CHERP: variants seen among roughly 807,000 people sequenced by gnomAD.
CHERP encodes the protein calcium homeostasis endoplasmic reticulum protein.
CHERP carries 8 observed loss-of-function variants against 113.8 expected under a neutral mutation model. The ratio of observed to expected loss-of-function variants is 0.07; its 90% CI spans 0.04 to 0.13. The LOEUF is 0.13. Among genes scored for constraint, CHERP ranks in the 10% least tolerant of loss-of-function variants. The pLI, the probability that CHERP is intolerant of heterozygous loss-of-function variation, is 1.00. For missense variants in CHERP, 884 were observed against 1,298.2 expected (o/e 0.68, Z 4.90); for synonymous variants, 559 against 524.5 (o/e 1.07, Z -0.90).
In CHERP at chr19:16,520,844, C is replaced by A. The variant is rs2085607022; in HGVS notation, c.2183G>T (p.Gly728Val). Residue 728 changes from glycine (G) to valine (V), a missense_variant, in exon 13 of 17, where the codon GGC becomes GTC. By Grantham distance (109) the Gly-to-Val change is moderately radical (BLOSUM62 -3). Coordinates refer to ENST00000546361, the MANE Select transcript of CHERP (RefSeq NM_006387.6). The surrounding 1 kb of genome is among the most constrained non-coding windows in gnomAD (Gnocchi z 4.0). ...RAKMRARRRKGQEKRNSGPSR... is the reference protein window; with the variant it reads ...RAKMRARRRKVQEKRNSGPSR... The stretch of plus-strand genomic sequence containing the variant: ...CTTTTACCTGTTCCTCTTCTCCTGG[C>A]CTTTCCTCCGCCGGGCCCGCATTTT... The A allele has an allele frequency of 4.3e-6, 7 of 1,613,908 alleles. 1 individual carries two copies. Among genetic ancestry groups the A allele is most frequent in the Middle Eastern group, 1.6e-4 (1 of 6,062 alleles).
At chr19:16,531,636 C>T (rs945512418) in intron 5 of CHERP, among the ~76,000 whole-genome samples, 1 of 152,222 alleles carries the variant, frequency 6.6e-6, no homozygotes, top group Non-Finnish European at 1.5e-5. Flanking sequence ...GCTAGAGAGG[C>T]GCGTGGCTGG....
Position 16,519,028 on chromosome 19 carries a change from C to T in CHERP, c.*131G>A. 2.3e-6 allele frequency: 2 copies of T among 865,104 alleles called. No individual in the cohort carries two copies. The highest frequency in any genetic ancestry group is 3.5e-6 in the Non-Finnish European group (2 of 570,602). 53.6% of individuals were successfully genotyped at this position (865,104 alleles called of 1,614,324 possible). On this transcript the variant is annotated 3_prime_UTR_variant, in exon 17 of 17. Transcript: ENST00000546361. The surrounding 1 kb of genome is among the most constrained non-coding windows in gnomAD (Gnocchi z 6.0). ...CTGGGCATGCGCTGGTCTTCCTTCT[C>T]TTCCTGTGGCTCTCCACAAGTGGAG...
Position 16,535,414 on chromosome 19 carries a change from G to C in CHERP, c.384+38C>G, listed in dbSNP as rs1165080585. 6.3e-7 allele frequency: 1 copy of C among 1,589,976 alleles called. No individual in the cohort carries two copies. Among genetic ancestry groups the C allele is most frequent in the Non-Finnish European group, 8.6e-7 (1 of 1,168,812 alleles). On this transcript the variant is annotated intron_variant, in intron 3 of 16. Coordinates refer to ENST00000546361, the MANE Select transcript of CHERP (RefSeq NM_006387.6). This position sits in a 1 kb window ranked among gnomAD's most constrained non-coding sequence, Gnocchi z 4.3. ...GACGCAAAAACAGAGGCACAGGGGAGCTGCTGGTGTCTGGCCGAGGAGGCG... is the reference window on the plus strand; with the variant it reads ...GACGCAAAAACAGAGGCACAGGGGACCTGCTGGTGTCTGGCCGAGGAGGCG...
chr19:16,519,781 A>T lies in CHERP; in HGVS notation c.2463-66T>A. The T allele has an allele frequency of 7.4e-7, 1 of 1,352,638 alleles. No individual in the cohort carries two copies. Among genetic ancestry groups the T allele is most frequent in the Non-Finnish European group, 1.1e-6 (1 of 942,222 alleles). 83.8% of individuals were successfully genotyped at this position (1,352,638 alleles called of 1,614,324 possible). A position where few individuals can be genotyped will look rare whatever the true frequency, so the allele number is the denominator to read the frequency against. Reference sequence around the variant, plus strand: ...GACATTTATTGGAATGACAGTGATGAGGACCTCACAGCCGCAGCTTGCGTG... The same window carrying T: ...GACATTTATTGGAATGACAGTGATGTGGACCTCACAGCCGCAGCTTGCGTG... On this transcript the variant is annotated intron_variant, in intron 15 of 16. Coordinates refer to ENST00000546361, the MANE Select transcript of CHERP (RefSeq NM_006387.6). This position sits in a 1 kb window ranked among gnomAD's most constrained non-coding sequence, Gnocchi z 6.0.
Position 16,519,582 on chromosome 19 carries a change from G to C in CHERP, c.2557+39C>G. ...GGTGACTCCCGGGCCCAGCACGCGT[G>C]AGGACCCATCCCGCGCCCTCCCCAT... is the stretch of plus-strand genomic sequence containing the variant. On this transcript the variant is annotated intron_variant, in intron 16 of 16. Transcript: ENST00000546361. The surrounding 1 kb of genome is among the most constrained non-coding windows in gnomAD (Gnocchi z 6.0). 6.4e-7 allele frequency: 1 copy of C among 1,556,042 alleles called. No homozygotes were observed. The highest frequency in any genetic ancestry group is 8.9e-7 in the Non-Finnish European group (1 of 1,127,480).
In CHERP at chr19:16,523,391, C is replaced by T. The variant is rs1353084309; in HGVS notation, c.1742-101G>A. The T allele has an allele frequency of 5.9e-6, 8 of 1,362,876 alleles. No individual in the cohort carries two copies. The highest frequency in any genetic ancestry group is 1.3e-5 in the South Asian group (1 of 79,682). 84.4% of individuals were successfully genotyped at this position (1,362,876 alleles called of 1,614,324 possible). On this transcript the variant is annotated intron_variant, in intron 10 of 16. Transcript: ENST00000546361. This position sits in a 1 kb window ranked among gnomAD's most constrained non-coding sequence, Gnocchi z 4.0. The stretch of plus-strand genomic sequence containing the variant: ...CTCAGTGAAGGGCCAGGAGACGAAC[C>T]CCTCCTGGGAGCCTGTCCAGCATCT...
rs2085693332 is a variant in CHERP at position 16,530,514 on chromosome 19, C to G, written c.876+71G>C. The stretch of plus-strand genomic sequence containing the variant: ...CTGCTGGGGTGGCAGCTGCTGTCCC[C>G]ACACTCCCAAACCCTCCTGGGGAAC... On this transcript the variant is annotated intron_variant, in intron 7 of 16. Coordinates refer to ENST00000546361, the MANE Select transcript of CHERP (RefSeq NM_006387.6). This position sits in a 1 kb window ranked among gnomAD's most constrained non-coding sequence, Gnocchi z 4.1. 1 of 1,445,590 alleles carries G rather than the reference C, an allele frequency of 6.9e-7. No individual in the cohort carries two copies. The highest frequency in any genetic ancestry group is 9.7e-7 in the Non-Finnish European group (1 of 1,029,894). The allele number at this position is 1,445,590 out of a possible 1,614,324, so 89.5% of individuals were successfully genotyped here.
intron 1 of CHERP, 43 bp downstream of exon 1, chr19:16,542,311 T>C: frequency 7.1e-7 from 1 of 1,403,222 alleles, no homozygotes; most frequent in South Asian, 1.7e-5. Flanking sequence ...AATAGGAGGT[T>C]CCGGGGAGAG....
rs751451818 is a variant in CHERP, at chr19:16,520,179, C to A, written c.2432G>T (p.Arg811Leu). The change falls in exon 15 of 17, where the codon CGC (arginine) becomes CTC (leucine). Residue 811 changes from arginine (R) to leucine (L), a missense_variant. Arg to Leu is a moderately radical substitution (Grantham distance 102). This residue lies in a region of CHERP where 159 missense variants were observed against 185.8 expected (regional missense o/e 0.86). Coordinates refer to ENST00000546361, the MANE Select transcript of CHERP (RefSeq NM_006387.6). This position sits in a 1 kb window ranked among gnomAD's most constrained non-coding sequence, Gnocchi z 4.0. ...RSKSYSPGRR[R>L]RSRSRSPTPP... ...GGTGGGGCTCCTGGACCGTGACCGG[C>A]GTCTTCTTCCTGGGGAGTACGACTT... 46 of 1,612,750 alleles carry A rather than the reference C, an allele frequency of 2.9e-5. No individual in the cohort carries two copies. Among genetic ancestry groups the A allele is most frequent in the Non-Finnish European group, 3.7e-5 (44 of 1,179,994 alleles).
At chr19:16,531,691 G>C (rs1218963902) in intron 5 of CHERP, among the ~76,000 whole-genome samples, 1 of 152,260 alleles carries the variant, frequency 6.6e-6, no homozygotes, top group East Asian at 1.9e-4. Context: ...CCGACTCAGA[G>C]GCAGGGAGAA....
In CHERP at chr19:16,535,564, G is replaced by T; in HGVS notation, c.272C>A (p.Ala91Asp). The part of the protein sequence containing the change: ...TMPPLPQPPL[A>D]PAAPIPPAQG... The stretch of plus-strand genomic sequence containing the variant: ...GGCCGGCGGGATGGGCGCGGCGGGG[G>T]CCAGCGGGGGCTGTGGCAGGGGTGG... The change falls in exon 3 of 17, where the codon GCC becomes GAC. Residue 91 changes from alanine to aspartate, a missense_variant. By Grantham distance (126) the Ala-to-Asp change is moderately radical. Transcript: ENST00000546361. The surrounding 1 kb of genome is among the most constrained non-coding windows in gnomAD (Gnocchi z 4.3). 1.3e-6 allele frequency: 2 copies of T among 1,569,026 alleles called. No homozygotes were observed. Among genetic ancestry groups the T allele is most frequent in the South Asian group, 2.3e-5 (2 of 86,536 alleles).
At chr19:16,540,342 CAGG>C (rs1448674214) in intron 2 of CHERP, among the ~76,000 whole-genome samples, 2 of 151,710 alleles carry the variant, frequency 1.3e-5, no homozygotes, top group Non-Finnish European at 2.9e-5. Context: ...GCTGGGATTA[CAGG>C]CACAAGCCAC....
At position 16,520,305 on chromosome 19, in the gene CHERP, G is replaced by C; in HGVS notation, c.2346-40C>G. On this transcript the variant is annotated intron_variant, in intron 14 of 16. Coordinates refer to ENST00000546361, the MANE Select transcript of CHERP (RefSeq NM_006387.6). The surrounding 1 kb of genome is among the most constrained non-coding windows in gnomAD (Gnocchi z 4.0). ...GCCCAAGGGTCAGCAGCAGCCAGGC[G>C]TCGTGGGGAGGCCACAGGAAGAGGC... 6.2e-7 allele frequency: 1 copy of C among 1,611,328 alleles called. No individual in the cohort carries two copies. Among genetic ancestry groups the C allele is most frequent in the Non-Finnish European group, 8.5e-7 (1 of 1,178,148 alleles).
Position 16,520,915 on chromosome 19 carries a change from G to GTT in CHERP, c.2115-4_2115-3insAA. On this transcript the variant is annotated splice_polypyrimidine_tract_variant and splice_region_variant and intron_variant, in intron 12 of 16. Transcript: ENST00000546361. The surrounding 1 kb of genome is among the most constrained non-coding windows in gnomAD (Gnocchi z 4.0). ...GGCCGTTCTGCTCCCAGCCTTCACT[G>GTT]TAAGACACGGCATTCCGTGTGTGAC... 1 of 1,613,320 alleles carries GTT rather than the reference G, an allele frequency of 6.2e-7. No homozygotes were observed. Among genetic ancestry groups the GTT allele is most frequent in the Non-Finnish European group, 8.5e-7 (1 of 1,179,720 alleles).
Position 16,520,585 on chromosome 19 carries a change from A to T in CHERP, c.2202-78T>A. ...CCCACCCTGGCCCTCAGGTTCCTAGACCACCCCAGATGCAGGGGCTCTGGC... is the reference window on the plus strand; with the variant it reads ...CCCACCCTGGCCCTCAGGTTCCTAGTCCACCCCAGATGCAGGGGCTCTGGC... On this transcript the variant is annotated intron_variant, in intron 13 of 16. Coordinates refer to ENST00000546361, the MANE Select transcript of CHERP (RefSeq NM_006387.6). The surrounding 1 kb of genome is among the most constrained non-coding windows in gnomAD (Gnocchi z 4.0). 6.7e-7 allele frequency: 1 copy of T among 1,502,790 alleles called. No homozygotes were observed. Among genetic ancestry groups the T allele is most frequent in the Non-Finnish European group, 9.1e-7 (1 of 1,104,896 alleles). 93.1% of individuals were successfully genotyped at this position (1,502,790 alleles called of 1,614,324 possible).
intron 2 of CHERP, among the ~76,000 whole-genome samples, chr19:16,536,624 C>G (rs2085743094): frequency 6.6e-6 from 1 of 152,212 alleles, no homozygotes; most frequent in Non-Finnish European, 1.5e-5. Flanking sequence ...GCACTGAATC[C>G]CACCCCTCCC....
Position 16,535,430 on chromosome 19 carries a change from C to CGAG in CHERP, c.384+19_384+21dup. ...CACAGGGGAGCTGCTGGTGTCTGGCCGAGGAGGCGGCGGGCCCATACCTGT... is the reference window on the plus strand; with the variant it reads ...CACAGGGGAGCTGCTGGTGTCTGGCCGAGGAGGAGGCGGCGGGCCCATACCTGT... On this transcript the variant is annotated intron_variant, in intron 3 of 16. Coordinates refer to ENST00000546361, the MANE Select transcript of CHERP (RefSeq NM_006387.6). The surrounding 1 kb of genome is among the most constrained non-coding windows in gnomAD (Gnocchi z 4.3). 3.7e-6 allele frequency: 6 copies of CGAG among 1,601,546 alleles called. No individual in the cohort carries two copies. The highest frequency in any genetic ancestry group is 5.1e-6 in the Non-Finnish European group (6 of 1,174,734).
At chr19:16,536,790 G>T (rs1382191757) in intron 2 of CHERP, among the ~76,000 whole-genome samples, 1 of 152,238 alleles carries the variant, frequency 6.6e-6, no homozygotes, top group African/African-American at 2.4e-5. Flanking sequence ...GACAAGGCGG[G>T]TGATCACCTG....
intron 2 of CHERP, chr19:16,541,416 A>G (rs2085778931): frequency 6.5e-6 from 1 of 154,292 alleles, no homozygotes; most frequent in Non-Finnish European, 1.4e-5. Flanking sequence ...ACTTGCCAAT[A>G]ACTAAAACTC....
Sources: allele counts gnomAD v4.1 joint callset (sites outside exome capture counted in the v4.1 genomes callset), GRCh38; gene constraint gnomAD v4.1.1; regional missense constraint gnomAD v4.1.1; non-coding constraint Gnocchi (gnomAD v3.1); transcripts MANE v1.5; gene names NCBI Gene and HGNC (gene_info 2026-07-23, HGNC 2026-07-21).